The following DEUP1 variants were observed in gnomAD, a reference collection of about 807,000 sequenced individuals.
The protein encoded by DEUP1 is deuterosome assembly protein 1, also known as coiled-coil domain containing 67.
DEUP1 carries 82 observed loss-of-function variants against 87.4 expected under a neutral mutation model. The ratio of observed to expected loss-of-function variants is 0.94; its 90% CI spans 0.78 to 1.13. DEUP1 has a LOEUF of 1.13. DEUP1 is among the 50% of genes most tolerant of loss of function. The pLI is 0.00. For missense variants in DEUP1, 663 were observed against 681.5 expected (o/e 0.97, Z 0.30); for synonymous variants, 214 against 222.7 (o/e 0.96, Z 0.35).
chr11:93,362,445 A>G (rs1945219958), intron 4 of DEUP1, among the ~76,000 whole-genome samples: 1 of 151,980 alleles, frequency 6.6e-6, no homozygotes, highest in Admixed American at 6.6e-5. Flanking sequence ...AATGGCCAAT[A>G]AGCACATAAA....
chr11:93,347,601 T>C (rs1426592924), intron 2 of DEUP1, among the ~76,000 whole-genome samples: 1 of 152,138 alleles, frequency 6.6e-6, no homozygotes, highest in Non-Finnish European at 1.5e-5. Context: ...TACCAGCTCT[T>C]TGTATGTCTG....
intron 13 of DEUP1, among the ~76,000 whole-genome samples, chr11:93,419,393 T>A (rs971263439): frequency 6.6e-6 from 1 of 152,204 alleles, no homozygotes; most frequent in African/African-American, 2.4e-5. Context: ...GTTGCTTTGT[T>A]CTTATGCTAG....
intron 10 of DEUP1, among the ~76,000 whole-genome samples, 199 bp from the exon 11 acceptor site, chr11:93,396,040 T>C (rs1196477293): frequency 2.0e-5 from 3 of 152,138 alleles, no homozygotes; most frequent in African/African-American, 7.2e-5. Context: ...TAGTTTAGCA[T>C]TGATCAGAAA....
Position 93,393,490 on chromosome 11 carries a change from G to C in DEUP1, c.1042-969G>C, listed in dbSNP as rs138771206. On this transcript the variant is annotated intron_variant, in intron 9 of 13. Transcript: ENST00000298050. ...ACACAAGCCACCACGCCCGGCTAGA[G>C]CATCTCTAATTGGCATTCATTCATC... Among the ~76,000 whole-genome samples, 1,257 of 151,826 alleles carry C rather than the reference G, an allele frequency of 8.3e-3. 25 individuals carry two copies. Among genetic ancestry groups the C allele is most frequent in the African/African-American group, 0.029 (1,201 of 41,426 alleles).
chr11:93,395,684 G>A (rs576635345), intron 10 of DEUP1, among the ~76,000 whole-genome samples: 11 of 152,174 alleles, frequency 7.2e-5, no homozygotes, highest in African/African-American at 2.6e-4. Context: ...GTTTTATACA[G>A]AAATGAGTCC....
chr11:93,399,569 A>G (rs1947054755), intron 11 of DEUP1, among the ~76,000 whole-genome samples: 1 of 151,826 alleles, frequency 6.6e-6, no homozygotes, highest in South Asian at 2.1e-4. Flanking sequence ...TTAAAATAAA[A>G]AAATAAAAAA....
At chr11:93,417,820 T>A (rs1234706670) in intron 13 of DEUP1, among the ~76,000 whole-genome samples, 18 of 152,170 alleles carry the variant, frequency 1.2e-4, no homozygotes, top group African/African-American at 4.3e-4. Context: ...ATGGTACTGG[T>A]ACCAAAACAG....
intron 9 of DEUP1, among the ~76,000 whole-genome samples, chr11:93,392,112 T>C (rs970056657): frequency 6.6e-6 from 1 of 152,178 alleles, no homozygotes; most frequent in Non-Finnish European, 1.5e-5. Flanking sequence ...CCTCTGGACA[T>C]GTGTACTTTC....
intron 2 of DEUP1, among the ~76,000 whole-genome samples, chr11:93,351,653 G>A (rs1944634512): frequency 2.6e-5 from 4 of 152,168 alleles, no homozygotes; most frequent in Admixed American, 2.6e-4. Context: ...GTTATTTATA[G>A]AGGAATTAGT....
intron 4 of DEUP1, among the ~76,000 whole-genome samples, chr11:93,361,449 T>C (rs930408109): frequency 5.9e-5 from 9 of 152,104 alleles, no homozygotes; most frequent in Admixed American, 3.9e-4. Context: ...CCTTGTCTAA[T>C]ATGGTTTTCA....
intron 4 of DEUP1, among the ~76,000 whole-genome samples, chr11:93,358,711 T>C (rs1230071945): frequency 6.6e-6 from 1 of 152,146 alleles, no homozygotes; most frequent in Non-Finnish European, 1.5e-5. Flanking sequence ...AGCCTCCAAA[T>C]AGCTGGGATT....
At chr11:93,390,944 C>T (rs752416069) in intron 9 of DEUP1, among the ~76,000 whole-genome samples, 13 of 151,728 alleles carry the variant, frequency 8.6e-5, no homozygotes, top group East Asian at 1.9e-4. Flanking sequence ...TAGCTGGGCG[C>T]GGTGGCAGGC....
chr11:93,410,745 T>C (rs762345880), intron 12 of DEUP1, among the ~76,000 whole-genome samples: 6 of 152,228 alleles, frequency 3.9e-5, no homozygotes, highest in Admixed American at 6.5e-5. Context: ...TTTTAGAAAG[T>C]ATTTTTATTG....
intron 7 of DEUP1, among the ~76,000 whole-genome samples, chr11:93,381,776 A>C (rs1946314547): frequency 6.6e-6 from 1 of 152,276 alleles, no homozygotes; most frequent in Middle Eastern, 3.4e-3. Flanking sequence ...TTTTCCTACT[A>C]GCCGAATTAA....
intron 7 of DEUP1, among the ~76,000 whole-genome samples, chr11:93,376,045 G>C (rs1946022240): frequency 6.6e-6 from 1 of 152,124 alleles, no homozygotes; most frequent in Non-Finnish European, 1.5e-5. Flanking sequence ...TGCCTCCCTG[G>C]TTCAAGCAAT....
At chr11:93,363,780 A>G (rs1444011137) in intron 4 of DEUP1, among the ~76,000 whole-genome samples, 6 of 151,892 alleles carry the variant, frequency 4.0e-5, no homozygotes, top group Non-Finnish European at 7.4e-5. Flanking sequence ...TAAGCTAGTT[A>G]TTTTGTAGAT....
At chr11:93,391,894 G>A (rs1946775926) in intron 9 of DEUP1, among the ~76,000 whole-genome samples, 1 of 152,066 alleles carries the variant, frequency 6.6e-6, no homozygotes, top group South Asian at 2.1e-4. Context: ...TTGTCCTCCG[G>A]GTTAGGATAC....
intron 11 of DEUP1, among the ~76,000 whole-genome samples, chr11:93,396,706 C>T (rs909718821): frequency 2.6e-5 from 4 of 152,136 alleles, no homozygotes; most frequent in Non-Finnish European, 4.4e-5. Flanking sequence ...ACATTTAGTT[C>T]GTATTTTGTT....
intron 11 of DEUP1, among the ~76,000 whole-genome samples, chr11:93,400,760 G>A (rs1947091250): frequency 2.0e-5 from 3 of 152,112 alleles, no homozygotes; most frequent in South Asian, 2.1e-4. Context: ...ATGAAAGCAA[G>A]CTGGCTTCAT....
Sources: gnomAD v4.1 joint callset for allele counts (sites outside exome capture counted in the v4.1 genomes callset) on GRCh38, gnomAD v4.1.1 for gene constraint, MANE v1.5 for transcripts, NCBI Gene and HGNC (gene_info 2026-07-23, HGNC 2026-07-21) for gene names.